The following NKD2 variants were observed in gnomAD, a reference collection of about 807,000 sequenced individuals.
NKD2 encodes the protein NKD inhibitor of Wnt signaling pathway 2, also known as protein naked cuticle homolog 2.
A neutral mutation model predicts 34.8 loss-of-function variants in NKD2; 43 were observed. The observed-to-expected ratio is 1.24, with a 90% CI of 0.97 to 1.60. NKD2 has a LOEUF of 1.60. Ranked by LOEUF, NKD2 falls within the 40% of genes most tolerant of loss-of-function variation. The pLI is 0.00. For missense variants in NKD2, 675 were observed against 627.1 expected (o/e 1.08, Z -0.82); for synonymous variants, 278 against 265.1 (o/e 1.05, Z -0.47).
chr5:1,038,871 T>A lies in NKD2; in HGVS notation c.*498T>A, dbSNP rs148808822. The A allele has an allele frequency of 5.1e-3, 1,368 of 269,888 alleles. 8 individuals carry two copies. The highest frequency in any genetic ancestry group is 7.9e-3 in the South Asian group (204 of 25,704). 16.7% of individuals were successfully genotyped at this position (269,888 alleles called of 1,614,324 possible). ...GCCGGTGGGGGGAAGCAGCTTGTGC[T>A]TAGCAGGGAGCATCCGCGGCTCCCC... On this transcript the variant is annotated 3_prime_UTR_variant, in exon 10 of 10. Coordinates refer to ENST00000296849, the MANE Select transcript of NKD2 (RefSeq NM_033120.4). This position sits in a 1 kb window ranked among gnomAD's most constrained non-coding sequence, Gnocchi z 4.5.
intron 9 of NKD2, 113 bp downstream of exon 9, chr5:1,036,497 CCCCCAA>C (rs1210156784): frequency 1.7e-6 from 1 of 579,150 alleles, no homozygotes; most frequent in Non-Finnish European, 2.7e-6. Flanking sequence ...GCCCCGCCCC[CCCCCAA>C]CCCCCCCCAC....
Position 1,038,346 on chromosome 5 carries a change from C to CGAG in NKD2, c.1329_1330insGAG (p.His443_His444insGlu), listed in dbSNP as rs1449961415. On this transcript the variant is annotated inframe_insertion, in exon 10 of 10. Transcript: ENST00000296849. This position sits in a 1 kb window ranked among gnomAD's most constrained non-coding sequence, Gnocchi z 4.5. The stretch of plus-strand genomic sequence containing the variant: ...ACCACCACGAGCACCACCACCACCA[C>CGAG]CACCACCACCACTTCCACCCGTCCT... The CGAG allele has an allele frequency of 6.5e-7, 1 of 1,535,588 alleles. No individual in the cohort carries two copies. The highest frequency in any genetic ancestry group is 8.7e-7 in the Non-Finnish European group (1 of 1,146,948).
At position 1,038,166 on chromosome 5, in the gene NKD2, G is replaced by A. The variant is rs565353283; in HGVS notation, c.1149G>A (p.Lys383=). 3.1e-5 allele frequency: 49 copies of A among 1,585,970 alleles called. No individual in the cohort carries two copies. The South Asian group carries it at 3.6e-4, about 12-fold the overall frequency. ...PQPPPPPYGH[K]RYRQKGREGH... Reference sequence around the variant, plus strand: ...CCCCACCGCCACCCTACGGCCACAAGCGGTACCGCCAAAAGGGCAGGGAGG... The same window carrying A: ...CCCCACCGCCACCCTACGGCCACAAACGGTACCGCCAAAAGGGCAGGGAGG... Residue 383 remains lysine, a synonymous_variant, in exon 10 of 10, where the codon AAG becomes AAA. Transcript: ENST00000296849. This position sits in a 1 kb window ranked among gnomAD's most constrained non-coding sequence, Gnocchi z 4.5.
intron 3 of NKD2, among the ~76,000 whole-genome samples, chr5:1,018,323 C>T (rs1309634741): frequency 6.6e-6 from 1 of 152,194 alleles, no homozygotes; most frequent in South Asian, 2.1e-4. Context: ...AAGCCATGTT[C>T]CTCGGGCTCC....
At chr5:1,034,047 T>C (rs987471089) in intron 5 of NKD2, 188 bp from the exon 6 acceptor site, 13 of 598,762 alleles carry the variant, frequency 2.2e-5, no homozygotes, top group Middle Eastern at 4.5e-4. Context: ...CAAGAAGGGC[T>C]GGAGCTGGGC....
chr5:1,028,086 G>A (rs1200642986), intron 3 of NKD2, among the ~76,000 whole-genome samples: 3 of 152,228 alleles, frequency 2.0e-5, no homozygotes, highest in Non-Finnish European at 4.4e-5. Context: ...TCCGTGCCTG[G>A]CCGCCTGTGG....
chr5:1,038,589 G>A lies in NKD2; in HGVS notation c.*216G>A, dbSNP rs868433230. On this transcript the variant is annotated 3_prime_UTR_variant, in exon 10 of 10. Transcript: ENST00000296849. The surrounding 1 kb of genome is among the most constrained non-coding windows in gnomAD (Gnocchi z 4.5). ...AGGCGCCCTCTGCTCTTCTGCCCTC[G>A]ATGCCACATGGCGGTGAACACATCT... The A allele has an allele frequency of 5.7e-5, 52 of 907,144 alleles. No homozygotes were observed. The highest frequency in any genetic ancestry group is 4.8e-4 in the African/African-American group (29 of 60,854). 56.2% of individuals were successfully genotyped at this position (907,144 alleles called of 1,614,324 possible).
chr5:1,016,206 C>G (rs9765071), intron 3 of NKD2, among the ~76,000 whole-genome samples: 1 of 152,250 alleles, frequency 6.6e-6, no homozygotes, highest in Non-Finnish European at 1.5e-5. Flanking sequence ...GAAGCCTGGA[C>G]CTGCTGGGAC....
Position 1,038,683 on chromosome 5 carries a change from TGAG to T in NKD2, c.*312_*314del. On this transcript the variant is annotated 3_prime_UTR_variant, in exon 10 of 10. Coordinates refer to ENST00000296849, the MANE Select transcript of NKD2 (RefSeq NM_033120.4). This position sits in a 1 kb window ranked among gnomAD's most constrained non-coding sequence, Gnocchi z 4.5. Reference sequence around the variant, plus strand: ...CATAAAACCTGCTTTGATTCCAAAATGAGGCCCTGGAGTGCGCAAGGAGTGCCC... The same window carrying T: ...CATAAAACCTGCTTTGATTCCAAAATGCCCTGGAGTGCGCAAGGAGTGCCC... 1 of 611,620 alleles carries T rather than the reference TGAG, an allele frequency of 1.6e-6. No individual in the cohort carries two copies. The highest frequency in any genetic ancestry group is 2.9e-6 in the Non-Finnish European group (1 of 341,452). 37.9% of individuals were successfully genotyped at this position (611,620 alleles called of 1,614,324 possible).
At chr5:1,030,814 G>A (rs1027249219) in intron 3 of NKD2, among the ~76,000 whole-genome samples, 1 of 152,300 alleles carries the variant, frequency 6.6e-6, no homozygotes, top group Non-Finnish European at 1.5e-5. Flanking sequence ...CCTGCCTCCC[G>A]CTGGGAGCTG....
At chr5:1,031,068 A>G (rs1221759651) in intron 3 of NKD2, among the ~76,000 whole-genome samples, 1 of 152,184 alleles carries the variant, frequency 6.6e-6, no homozygotes, top group East Asian at 1.9e-4. Context: ...CTGGCCAGTG[A>G]CCACGGTGGC....
chr5:1,033,038 GAGGGGGCCCAATGATGACAC>G (rs1338347097), intron 4 of NKD2, among the ~76,000 whole-genome samples: 1 of 149,222 alleles, frequency 6.7e-6, no homozygotes, highest in African/African-American at 2.4e-5. Flanking sequence ...TGTCTATGGG[GAGGGGGCCCAATGATGACAC>G]AGGGAGCATC....
intron 3 of NKD2, among the ~76,000 whole-genome samples, chr5:1,027,006 C>T (rs953760604): frequency 6.6e-6 from 1 of 152,260 alleles, no homozygotes; most frequent in Non-Finnish European, 1.5e-5. Flanking sequence ...AGGATTAGCC[C>T]TGCAGAACAG....
At chr5:1,034,426 A>G in intron 6 of NKD2, 96 bp downstream of exon 6, 1 of 1,014,732 alleles carries the variant, frequency 9.9e-7, no homozygotes. Context: ...GCAGGAGGGG[A>G]CCTGCCTGCT....
intron 3 of NKD2, among the ~76,000 whole-genome samples, chr5:1,010,844 C>T (rs1187213592): frequency 6.6e-6 from 1 of 152,226 alleles, no homozygotes; most frequent in Non-Finnish European, 1.5e-5. Flanking sequence ...AGGGCTTTGG[C>T]CGGCCCCTGT....
intron 3 of NKD2, among the ~76,000 whole-genome samples, chr5:1,025,709 G>A (rs1185874708): frequency 1.2e-4 from 5 of 41,672 alleles, no homozygotes; most frequent in African/African-American, 4.0e-4. Flanking sequence ...CTCTGTGGGC[G>A]TCCCAGCCCA....
At chr5:1,017,934 G>A (rs976347014) in intron 3 of NKD2, among the ~76,000 whole-genome samples, 1 of 152,104 alleles carries the variant, frequency 6.6e-6, no homozygotes, top group African/African-American at 2.4e-5. Flanking sequence ...GTGCTGGGGT[G>A]TGGGACAGGC....
At position 1,037,977 on chromosome 5, in the gene NKD2, G is replaced by T. The variant is rs371373657; in HGVS notation, c.960G>T (p.Gln320His). Residue 320 changes from glutamine (Q) to histidine (H), a missense_variant, in exon 10 of 10, where the codon CAG becomes CAT. Physicochemically the swap from Gln to His is conservative, Grantham distance 24. Coordinates refer to ENST00000296849, the MANE Select transcript of NKD2 (RefSeq NM_033120.4). ...SEPAARALDT[Q>H]PRPKGPEKQF... The stretch of plus-strand genomic sequence containing the variant: ...CTGCTGCCCGGGCCCTGGACACGCA[G>T]CCCCGGCCGAAGGGGCCGGAGAAGC... 6.8e-5 allele frequency: 109 copies of T among 1,605,220 alleles called. No individual in the cohort carries two copies. The highest frequency in any genetic ancestry group is 8.1e-5 in the Non-Finnish European group (95 of 1,177,656).
At position 1,034,779 on chromosome 5, in the gene NKD2, C is replaced by T. The variant is rs1733757791; in HGVS notation, c.450C>T (p.Thr150=). The T allele has an allele frequency of 3.7e-6, 6 of 1,612,626 alleles. No homozygotes were observed. The highest frequency in any genetic ancestry group is 5.1e-6 in the Non-Finnish European group (6 of 1,179,922). Reference sequence around the variant, plus strand: ...AGGACATGTCCAGCCTCATGCACACCATCTATGAGGTCGTGGATGCCTCGG... The same window carrying T: ...AGGACATGTCCAGCCTCATGCACACTATCTATGAGGTCGTGGATGCCTCGG... ...TREDMSSLMH[T]IYEVVDASVN... Residue 150 remains threonine (T), a synonymous_variant, in exon 7 of 10, where the codon ACC becomes ACT. Transcript: ENST00000296849.
Sources: gnomAD v4.1 joint callset for allele counts (sites outside exome capture counted in the v4.1 genomes callset) on GRCh38, gnomAD v4.1.1 for gene constraint, Gnocchi (gnomAD v3.1) non-coding constraint, MANE v1.5 for transcripts, NCBI Gene and HGNC (gene_info 2026-07-23, HGNC 2026-07-21) for gene names.